The following EIF3H variants were observed in gnomAD, a reference collection of about 807,000 sequenced individuals.
EIF3H encodes the protein eIF-3-gamma.
A neutral mutation model predicts 44.2 loss-of-function variants in EIF3H; 26 were observed. That is an observed-to-expected ratio of 0.59 (90% CI 0.43 to 0.82). EIF3H has a LOEUF of 0.82. EIF3H is among the 40% of genes least tolerant of loss of function. The pLI, the probability that EIF3H is intolerant of heterozygous loss-of-function variation, is 0.00. For synonymous variants in EIF3H, 166 were observed against 151.9 expected, an observed-to-expected ratio of 1.09 and a Z score of -0.68; for missense variants, 359 against 432.8, an observed-to-expected ratio of 0.83 and a Z score of 1.51.
chr8:116,727,081 A>C (rs1290536120), intron 1 of EIF3H, among the ~76,000 whole-genome samples: 1 of 152,246 alleles, frequency 6.6e-6, no homozygotes, highest in African/African-American at 2.4e-5. Flanking sequence ...GTACGTTATT[A>C]GTGTTTCATT....
At chr8:116,740,364 AG>A (rs1815109478) in intron 1 of EIF3H, among the ~76,000 whole-genome samples, 6 of 152,330 alleles carry the variant, frequency 3.9e-5, no homozygotes, top group Admixed American at 3.9e-4. Flanking sequence ...GAGAAGAGCA[AG>A]AAATGAATAG....
chr8:116,712,159 C>T (rs1814583123), intron 2 of EIF3H, among the ~76,000 whole-genome samples: 1 of 152,166 alleles, frequency 6.6e-6, no homozygotes, highest in Non-Finnish European at 1.5e-5. Flanking sequence ...AACAGCATGC[C>T]ACAAGTCTAG....
intron 2 of EIF3H, among the ~76,000 whole-genome samples, chr8:116,699,462 A>G (rs1814331315): frequency 6.6e-6 from 1 of 152,152 alleles, no homozygotes; most frequent in Non-Finnish European, 1.5e-5. Context: ...AAAAACAAAT[A>G]CTGCATGTTC....
chr8:116,674,451 T>A (rs1222522503), intron 2 of EIF3H, among the ~76,000 whole-genome samples: 2 of 152,236 alleles, frequency 1.3e-5, no homozygotes, highest in East Asian at 1.9e-4. Context: ...TCATACGCAT[T>A]CTATCCATCC....
In EIF3H at chr8:116,646,533, T is replaced by C; in HGVS notation, c.899A>G (p.Asp300Gly). Reference sequence around the variant, plus strand: ...TGGTGGTTTGAAGAGTTTGGACAGGTCCTCCTCAGGGAGCGGGGGTTCTCC... The same window carrying C: ...TGGTGGTTTGAAGAGTTTGGACAGGCCCTCCTCAGGGAGCGGGGGTTCTCC... ...SRGEPPLPEEDLSKLFKPPQP... is the reference protein window; with the variant it reads ...SRGEPPLPEEGLSKLFKPPQP... The change falls in exon 7 of 8, where the codon GAC (aspartate) becomes GGC (glycine). Residue 300 changes from aspartate to glycine, a missense_variant. Asp to Gly is a moderately conservative substitution (Grantham distance 94, BLOSUM62 -1). Coordinates refer to ENST00000521861, the MANE Select transcript of EIF3H (RefSeq NM_003756.3). The C allele has an allele frequency of 6.2e-7, 1 of 1,614,134 alleles. No homozygotes were observed. Among genetic ancestry groups the C allele is most frequent in the Non-Finnish European group, 8.5e-7 (1 of 1,180,024 alleles).
At chr8:116,717,320 C>T (rs1311837404) in intron 2 of EIF3H, among the ~76,000 whole-genome samples, 2 of 152,138 alleles carry the variant, frequency 1.3e-5, no homozygotes, top group Non-Finnish European at 2.9e-5. Flanking sequence ...AATGACCATA[C>T]TGCCAAAAGC....
chr8:116,656,123 C>T, intron 4 of EIF3H, 118 bp from the exon 5 acceptor site: 1 of 747,096 alleles, frequency 1.3e-6, no homozygotes, highest in Non-Finnish European at 2.0e-6. Context: ...CATTAGCACT[C>T]TTAAAAAAAA....
chr8:116,677,867 T>C (rs1163007527), intron 2 of EIF3H, among the ~76,000 whole-genome samples: 1 of 152,242 alleles, frequency 6.6e-6, no homozygotes, highest in East Asian at 1.9e-4. Context: ...GAAAAAATAT[T>C]TGTTTTTAAA....
chr8:116,701,272 C>T (rs1185938215), intron 2 of EIF3H, among the ~76,000 whole-genome samples: 1 of 152,110 alleles, frequency 6.6e-6, no homozygotes, highest in Non-Finnish European at 1.5e-5. Context: ...ACTATTCTAA[C>T]AATAAATATT....
chr8:116,738,279 A>G (rs1018385428), intron 1 of EIF3H, among the ~76,000 whole-genome samples: 15 of 152,296 alleles, frequency 9.8e-5, no homozygotes, highest in Middle Eastern at 6.8e-3. Flanking sequence ...ATGGACACAT[A>G]ATATATCTTG....
chr8:116,763,016 A>G lies in EIF3H; in HGVS notation c.-27+2499T>C, dbSNP rs540862217. Among the ~76,000 whole-genome samples, 14 of 152,368 alleles carry G rather than the reference A, an allele frequency of 9.2e-5. No individual in the cohort carries two copies. In the East Asian group the frequency reaches 2.5e-3, roughly 27 times the overall value. ...CTGGGCACATTACACTCCAGAATAA[A>G]ATCAGGAGTCTATTCCTACAAAGAA... On this transcript the variant is annotated intron_variant, in intron 1 of 9. Transcript: ENST00000276682.
intron 2 of EIF3H, among the ~76,000 whole-genome samples, chr8:116,674,067 C>CAAAAAAAAAAAAAAAAA (rs59899280): frequency 2.0e-5 from 1 of 49,664 alleles, no homozygotes; most frequent in African/African-American, 9.2e-5. Context: ...AAGACTGTCT[C>CAAAAAAAAAAAAAAAAA]AAAAAAAAAA....
intron 2 of EIF3H, among the ~76,000 whole-genome samples, chr8:116,660,237 G>C (rs1023496009): frequency 6.6e-6 from 1 of 152,124 alleles, no homozygotes; most frequent in Non-Finnish European, 1.5e-5. Flanking sequence ...CTGAGTAAAC[G>C]TATTTGCTTA....
chr8:116,704,232 C>T (rs11775890), intron 2 of EIF3H, among the ~76,000 whole-genome samples: 67,430 of 152,076 alleles, frequency 0.44, 18,822 homozygotes, highest in Non-Finnish European at 0.63. Flanking sequence ...TACTTAGCTT[C>T]TCTAGCCCTC....
intron 2 of EIF3H, among the ~76,000 whole-genome samples, chr8:116,683,260 G>A (rs1386568503): frequency 1.3e-5 from 2 of 152,174 alleles, no homozygotes; most frequent in Non-Finnish European, 1.5e-5. Context: ...AGACAAGGTG[G>A]CTTAAATAAC....
At chr8:116,687,680 A>G (rs1814099582) in intron 2 of EIF3H, among the ~76,000 whole-genome samples, 1 of 152,168 alleles carries the variant, frequency 6.6e-6, no homozygotes, top group South Asian at 2.1e-4. Context: ...TCATTTCTGA[A>G]ATAATTTTCA....
chr8:116,703,805 C>G (rs1334937618), intron 2 of EIF3H, among the ~76,000 whole-genome samples: 1 of 152,134 alleles, frequency 6.6e-6, no homozygotes, highest in Non-Finnish European at 1.5e-5. Context: ...TGGTAGTGGT[C>G]CCCCAGGCCC....
At chr8:116,664,779 C>T (rs369572310) in intron 2 of EIF3H, among the ~76,000 whole-genome samples, 8 of 34,968 alleles carry the variant, frequency 2.3e-4, no homozygotes, top group Non-Finnish European at 9.4e-4. Context: ...AAATTAAAAA[C>T]AATTTAAGAA....
In EIF3H at chr8:116,688,890, G is replaced by A. The variant is rs567013889; in HGVS notation, c.290-29910C>T. The stretch of plus-strand genomic sequence containing the variant: ...AATGGTGCAACTGCTTTGGAAAACA[G>A]CTTCGCACTTCCTAAAGGGATTGTA... On this transcript the variant is annotated intron_variant, in intron 2 of 7. Coordinates refer to ENST00000521861, the MANE Select transcript of EIF3H (RefSeq NM_003756.3). Among the ~76,000 whole-genome samples the A allele has an allele frequency of 4.1e-4, 62 of 152,238 alleles. 1 individual carries two copies. The South Asian group carries it at 0.012, about 29-fold the overall frequency.
Sources: gnomAD v4.1 joint callset for allele counts (sites outside exome capture counted in the v4.1 genomes callset) on GRCh38, gnomAD v4.1.1 for gene constraint, MANE v1.5 for transcripts, NCBI Gene and HGNC (gene_info 2026-07-23, HGNC 2026-07-21) for gene names.